The following FAIM2 variants were observed in gnomAD, a reference collection of about 807,000 sequenced individuals.
FAIM2 encodes the protein protein lifeguard 2.
In FAIM2, 27 loss-of-function variants were observed where a neutral mutation model predicts 47.4. That is an observed-to-expected ratio of 0.57 (90% confidence interval 0.42 to 0.78). The LOEUF (loss-of-function observed/expected upper bound fraction) is 0.78. Among genes scored for constraint, FAIM2 ranks in the 30% least tolerant of loss-of-function variants. FAIM2 has a pLI of 0.00. For missense variants in FAIM2, 311 were observed against 389.4 expected, an observed-to-expected ratio of 0.80 and a Z score of 1.69; for synonymous variants, 156 against 159.3, an observed-to-expected ratio of 0.98 and a Z score of 0.16.
At chr12:49,878,339 A>T (rs1168630210) in intron 11 of FAIM2, among the ~76,000 whole-genome samples, 11 of 91,880 alleles carry the variant, frequency 1.2e-4, no homozygotes, top group South Asian at 4.0e-4. Flanking sequence ...TGTGCATGTG[A>T]GTGTATGTGT....
chr12:49,884,707 A>G (rs557381719), intron 11 of FAIM2, among the ~76,000 whole-genome samples: 2 of 152,180 alleles, frequency 1.3e-5, no homozygotes, highest in East Asian at 3.9e-4. Context: ...GGGCATGGTC[A>G]CTCACGCCTG....
intron 11 of FAIM2, among the ~76,000 whole-genome samples, chr12:49,877,715 G>A (rs112275151): frequency 5.4e-5 from 5 of 93,166 alleles, no homozygotes; most frequent in South Asian, 3.6e-4. Flanking sequence ...GTGTGTGCGC[G>A]CACACGGCAT....
At chr12:49,884,394 A>G (rs1174552062) in intron 11 of FAIM2, among the ~76,000 whole-genome samples, 1 of 152,060 alleles carries the variant, frequency 6.6e-6, no homozygotes, top group Non-Finnish European at 1.5e-5. Flanking sequence ...GGCAGGAGTG[A>G]GAAGGGGGAT....
rs1385718126 is a variant in FAIM2 at position 49,870,532 on chromosome 12, A to G, written c.923T>C (p.Leu308Pro). The G allele has an allele frequency of 4.3e-6, 7 of 1,614,010 alleles. No individual in the cohort carries two copies. The Admixed American group carries it at 1.0e-4, about 23-fold the overall frequency. The change falls in exon 12 of 12, where the codon CTG (leucine) becomes CCG (proline). Residue 308 changes from leucine (L) to proline (P), a missense_variant. Transcript: ENST00000320634. ...LDIIYIFTFFLQLFGTNRE is the reference protein window; with the variant it reads ...LDIIYIFTFFPQLFGTNRE ...TTCTCGGTTAGTGCCAAAAAGCTGC[A>G]GGAAGAAGGTGAAGATATAGATGAT...
intron 4 of FAIM2, 25 bp from the exon 5 acceptor site, chr12:49,897,109 G>C (rs1193392372): frequency 3.8e-6 from 6 of 1,595,066 alleles, no homozygotes; most frequent in East Asian, 4.5e-5. Context: ...GAGTGGGAGA[G>C]AGAGTCAGAA....
intron 3 of FAIM2, 103 bp downstream of exon 3, chr12:49,897,883 AG>A: frequency 1.2e-6 from 1 of 861,930 alleles, no homozygotes; most frequent in Non-Finnish European, 1.9e-6. Context: ...TCACAAGAGA[AG>A]GGGGCAGGGA....
At chr12:49,894,002 G>C (rs1383926766) in intron 5 of FAIM2, among the ~76,000 whole-genome samples, 1 of 152,180 alleles carries the variant, frequency 6.6e-6, no homozygotes, top group African/African-American at 2.4e-5. Flanking sequence ...TTCAAGACAA[G>C]GGGTCTGGAG....
intron 5 of FAIM2, among the ~76,000 whole-genome samples, chr12:49,895,700 T>C (rs1047558801): frequency 5.3e-5 from 8 of 152,172 alleles, no homozygotes; most frequent in African/African-American, 1.4e-4. Flanking sequence ...CTAGGGTCCT[T>C]ACCATCAGCC....
At chr12:49,887,467 G>C (rs1946870100) in intron 10 of FAIM2, 28 bp from the exon 11 acceptor site, 1 of 1,603,496 alleles carries the variant, frequency 6.2e-7, no homozygotes, top group East Asian at 2.2e-5. Flanking sequence ...TGGGCTTAGG[G>C]ACGACAAGAA....
At chr12:49,888,664 G>GC (rs1254850469) in intron 10 of FAIM2, among the ~76,000 whole-genome samples, 1 of 152,172 alleles carries the variant, frequency 6.6e-6, no homozygotes, top group Non-Finnish European at 1.5e-5. Flanking sequence ...GAGCCCCGCT[G>GC]CCCCACGTCC....
chr12:49,890,803 G>A, intron 6 of FAIM2, 81 bp from the exon 7 acceptor site: 2 of 1,282,428 alleles, frequency 1.6e-6, no homozygotes, highest in Non-Finnish European at 2.3e-6. Flanking sequence ...TGCAGGGAGG[G>A]GGTCTCTGAC....
At chr12:49,897,243 G>A (rs147218619) in intron 4 of FAIM2, among the ~76,000 whole-genome samples, 159 bp from the exon 5 acceptor site, 8 of 152,166 alleles carry the variant, frequency 5.3e-5, no homozygotes, top group Non-Finnish European at 1.2e-4. Flanking sequence ...CACAGTCCCC[G>A]GCTGGGACCT....
intron 8 of FAIM2, 87 bp downstream of exon 8, chr12:49,890,030 G>A (rs1592791550): frequency 2.2e-6 from 3 of 1,355,784 alleles, no homozygotes; most frequent in African/African-American, 1.4e-5. Context: ...GCTCCCATGT[G>A]TGTGGGGCAG....
intron 11 of FAIM2, among the ~76,000 whole-genome samples, chr12:49,882,955 T>C (rs1196161630): frequency 6.6e-6 from 1 of 152,010 alleles, no homozygotes; most frequent in Admixed American, 6.6e-5. Flanking sequence ...TGAGATGCGC[T>C]ACAGAGAGAG....
rs917709306 is a variant in FAIM2 at position 49,874,876 on chromosome 12, G to C, written c.802-4223C>G. Reference sequence around the variant, plus strand: ...ACGGGGGTGGTTAAATAAACTCTGGGCAGCAGTGCTGAGGTGGAAACATCT... The same window carrying C: ...ACGGGGGTGGTTAAATAAACTCTGGCCAGCAGTGCTGAGGTGGAAACATCT... On this transcript the variant is annotated intron_variant, in intron 11 of 11. Coordinates refer to ENST00000320634, the MANE Select transcript of FAIM2 (RefSeq NM_012306.4). This position sits in a 1 kb window ranked among gnomAD's most constrained non-coding sequence, Gnocchi z 4.2. Among the ~76,000 whole-genome samples, 1 of 152,198 alleles carries C rather than the reference G, an allele frequency of 6.6e-6. No individual in the cohort carries two copies. The highest frequency in any genetic ancestry group is 2.4e-5 in the African/African-American group (1 of 41,438).
chr12:49,901,049 C>A, intron 2 of FAIM2, 81 bp downstream of exon 2: 1 of 1,142,924 alleles, frequency 8.7e-7, no homozygotes, highest in South Asian at 1.6e-5. Flanking sequence ...TCTTTCTGGA[C>A]AACTTCCTCC....
At chr12:49,880,756 G>A (rs1054576080) in intron 11 of FAIM2, among the ~76,000 whole-genome samples, 13 of 151,272 alleles carry the variant, frequency 8.6e-5, no homozygotes, top group Non-Finnish European at 1.6e-4. Context: ...GTGTGTGTGC[G>A]CATGTGGGTA....
intron 11 of FAIM2, among the ~76,000 whole-genome samples, chr12:49,883,156 G>T (rs965787508): frequency 2.6e-5 from 4 of 152,124 alleles, no homozygotes; most frequent in African/African-American, 9.7e-5. Context: ...AGGTCAGAGA[G>T]CTTGCAGGCT....
chr12:49,873,297 T>C (rs1156568437), intron 11 of FAIM2, among the ~76,000 whole-genome samples: 2 of 152,040 alleles, frequency 1.3e-5, no homozygotes, highest in African/African-American at 2.4e-5. Context: ...CACCACGGTG[T>C]GGTTTTGAGG....
Sources: gnomAD v4.1 joint callset for allele counts (sites outside exome capture counted in the v4.1 genomes callset) on GRCh38, gnomAD v4.1.1 for gene constraint, Gnocchi (gnomAD v3.1) non-coding constraint, MANE v1.5 for transcripts, NCBI Gene and HGNC (gene_info 2026-07-23, HGNC 2026-07-21) for gene names.